TNNT3: variants seen among roughly 807,000 people sequenced by gnomAD.
TNNT3 encodes the protein troponin T, fast skeletal muscle.
In TNNT3, 36 loss-of-function variants were observed where a neutral mutation model predicts 54.2. That is an observed-to-expected ratio of 0.66 (90% CI 0.51 to 0.88). The LOEUF is 0.88. TNNT3 is among the 40% of genes least tolerant of loss of function. The probability of loss-of-function intolerance (pLI) is 0.00; values close to 1 mark genes in which losing one functional copy is unlikely to be tolerated. For synonymous variants in TNNT3, 120 were observed against 109.7 expected (o/e 1.09, Z -0.59); for missense variants, 291 against 331.6 (o/e 0.88, Z 0.95).
At chr11:1,922,809 T>C in intron 1 of TNNT3, 48 bp from the exon 2 acceptor site, 1 of 1,585,624 alleles carries the variant, frequency 6.3e-7, no homozygotes, top group Middle Eastern at 1.7e-4. Flanking sequence ...AGCTCGTAAC[T>C]CTCTTTCCAT....
At chr11:1,924,988 C>T (rs1851127215) in intron 4 of TNNT3, 111 bp from the exon 5 acceptor site, 1 of 1,292,530 alleles carries the variant, frequency 7.7e-7, no homozygotes, top group Non-Finnish European at 1.1e-6. Flanking sequence ...CCCTCTTCTC[C>T]CGGCCAGCCG....
At chr11:1,919,919 G>A (rs1849704584) in intron 1 of TNNT3, among the ~76,000 whole-genome samples, 157 bp downstream of exon 1, 1 of 152,224 alleles carries the variant, frequency 6.6e-6, no homozygotes, top group African/African-American at 2.4e-5. Flanking sequence ...ATGGCTCGGA[G>A]CCCCCAGGTG....
rs764019640 is a variant in TNNT3, at chr11:1,933,799, AAGG to A, written c.262_264del (p.Glu88del). On this transcript the variant is annotated inframe_deletion, in exon 10 of 16. Coordinates refer to ENST00000278317, the MANE Select transcript of TNNT3 (RefSeq NM_006757.4). The stretch of plus-strand genomic sequence containing the variant: ...CGACAGCCACTTTGAAGCCCGGAAG[AAGG>A]AGGAGGAGGAGCTGGTCGCTCTCAA... 1.9e-6 allele frequency: 3 copies of A among 1,612,776 alleles called. No homozygotes were observed. The highest frequency in any genetic ancestry group is 2.2e-5 in the East Asian group (1 of 44,874).
At chr11:1,925,003 C>G in intron 4 of TNNT3, 96 bp from the exon 5 acceptor site, 1 of 1,453,374 alleles carries the variant, frequency 6.9e-7, no homozygotes, top group Non-Finnish European at 9.6e-7. Context: ...CAGCCGGCCT[C>G]CTGTCCTTGC....
chr11:1,934,724 A>G, intron 13 of TNNT3, 69 bp downstream of exon 13: 4 of 1,595,600 alleles, frequency 2.5e-6, no homozygotes, highest in Non-Finnish European at 3.4e-6. Context: ...ACTGCTCCTC[A>G]GGCTGCCAAG....
At chr11:1,925,382 C>T (rs1212009331) in intron 5 of TNNT3, 3 of 1,376,760 alleles carry the variant, frequency 2.2e-6, no homozygotes, top group South Asian at 2.5e-5. Flanking sequence ...CACGAGGTAC[C>T]AGCCAGCCAA....
chr11:1,932,396 G>A, intron 8 of TNNT3, 73 bp from the exon 9 acceptor site: 2 of 1,498,078 alleles, frequency 1.3e-6, no homozygotes, highest in Non-Finnish European at 1.9e-6. Context: ...GGGCCAGCGG[G>A]GAAAGCGCCA....
rs535269520 is a variant in TNNT3 at position 1,932,336 on chromosome 11, G to A, written c.126-133G>A. ...AAAGCTGGGGCAAACGTGTCACTAG[G>A]CGGGCATGCTTGGCTGGGGGCCAGA... On this transcript the variant is annotated intron_variant, in intron 8 of 15. Transcript: ENST00000278317. 221 of 827,754 alleles carry A rather than the reference G, an allele frequency of 2.7e-4. No individual in the cohort carries two copies. The African/African-American group carries it at 3.3e-3, about 12-fold the overall frequency. 51.3% of individuals were successfully genotyped at this position (827,754 alleles called of 1,614,324 possible). A position where few individuals can be genotyped will look rare whatever the true frequency, so the allele number is the denominator to read the frequency against.
At chr11:1,937,877 A>G (rs1365756273) in intron 15 of TNNT3, among the ~76,000 whole-genome samples, 1 of 152,160 alleles carries the variant, frequency 6.6e-6, no homozygotes, top group East Asian at 1.9e-4. Context: ...AGTGCCCAGG[A>G]ACGTGTGTGA....
chr11:1,920,049 G>A (rs1186631146), intron 1 of TNNT3, among the ~76,000 whole-genome samples: 1 of 152,302 alleles, frequency 6.6e-6, no homozygotes, highest in African/African-American at 2.4e-5. Context: ...CGGGGCTCAG[G>A]GAAGCTCAGT....
rs149447309 is a variant in TNNT3, at chr11:1,919,961, G to A, written c.-19+199G>A. Among the ~76,000 whole-genome samples, 331 of 152,318 alleles carry A rather than the reference G, an allele frequency of 2.2e-3. 1 individual carries two copies. Among genetic ancestry groups the A allele is most frequent in the African/African-American group, 7.2e-3 (298 of 41,560 alleles). On this transcript the variant is annotated intron_variant, in intron 1 of 15. Coordinates refer to ENST00000278317, the MANE Select transcript of TNNT3 (RefSeq NM_006757.4). ...CCAGCGTCCGGAGAGTCTGGGATGCGGACATGGTGGTGTGATGGTCTCAGC... is the reference window on the plus strand; with the variant it reads ...CCAGCGTCCGGAGAGTCTGGGATGCAGACATGGTGGTGTGATGGTCTCAGC...
intron 14 of TNNT3, chr11:1,935,416 C>G (rs906784678): frequency 4.0e-6 from 1 of 252,928 alleles, no homozygotes; most frequent in Admixed American, 5.0e-5. Context: ...GGGTGACACA[C>G]TGCACCCTGT....
At chr11:1,935,695 C>G (rs1238983919) in intron 14 of TNNT3, 1 of 188,500 alleles carries the variant, frequency 5.3e-6, no homozygotes, top group East Asian at 1.3e-4. Context: ...ACTCCAGCAT[C>G]ACCATCAGGG....
At chr11:1,923,711 C>T (rs1850731880) in intron 4 of TNNT3, 139 bp downstream of exon 4, 1 of 686,782 alleles carries the variant, frequency 1.5e-6, no homozygotes, top group South Asian at 1.5e-5. Context: ...CCATCTTCCT[C>T]ATCATTAGTC....
At chr11:1,935,830 G>A (rs1193468882) in intron 14 of TNNT3, among the ~76,000 whole-genome samples, 9 of 152,102 alleles carry the variant, frequency 5.9e-5, no homozygotes, top group Admixed American at 5.2e-4. Flanking sequence ...GGGCAAATCC[G>A]AGCTCCTTCT....
At chr11:1,919,930 G>GCTGCT (rs1849708871) in intron 1 of TNNT3, among the ~76,000 whole-genome samples, 168 bp downstream of exon 1, 1 of 152,248 alleles carries the variant, frequency 6.6e-6, no homozygotes, top group African/African-American at 2.4e-5. Context: ...CCCCCAGGTG[G>GCTGCT]CTGCTCCAGC....
At chr11:1,936,835 C>A in intron 14 of TNNT3, 128 bp from the exon 15 acceptor site, 1 of 913,510 alleles carries the variant, frequency 1.1e-6, no homozygotes, top group Non-Finnish European at 1.7e-6. Context: ...AGCCGAGGAG[C>A]CCTCATGGGG....
intron 14 of TNNT3, 36 bp downstream of exon 14, chr11:1,934,955 G>A (rs200687946): frequency 2.1e-5 from 33 of 1,595,956 alleles, no homozygotes; most frequent in African/African-American, 1.6e-4. Context: ...GGGCCCTAGC[G>A]GCTTTCACCC....
intron 15 of TNNT3, 123 bp downstream of exon 15, chr11:1,937,126 C>A: frequency 9.4e-7 from 1 of 1,059,946 alleles, no homozygotes; most frequent in Non-Finnish European, 1.4e-6. Context: ...CGAGACTAAC[C>A]CGGCCAGGCC....
Sources: gnomAD v4.1 joint callset for allele counts (sites outside exome capture counted in the v4.1 genomes callset) on GRCh38, gnomAD v4.1.1 for gene constraint, MANE v1.5 for transcripts, NCBI Gene and HGNC (gene_info 2026-07-23, HGNC 2026-07-21) for gene names.